The following ZNF773 variants were observed in gnomAD, a reference collection of about 807,000 sequenced individuals.
The protein encoded by ZNF773 is zinc finger protein 419B.
A neutral mutation model predicts 12.8 loss-of-function variants in ZNF773; 11 were observed. The observed-to-expected ratio is 0.86, with a 90% CI of 0.54 to 1.42. The LOEUF (loss-of-function observed/expected upper bound fraction) is 1.42, where lower values mean the gene tolerates loss of function less well. ZNF773 is among the 40% of genes most tolerant of loss of function. ZNF773 has a pLI of 0.00. For missense variants in ZNF773, 518 were observed against 527.2 expected, an observed-to-expected ratio of 0.98 and a Z score of 0.17; for synonymous variants, 175 against 178.4, an observed-to-expected ratio of 0.98 and a Z score of 0.15.
downstream of ZNF773, among the ~76,000 whole-genome samples, chr19:57,512,606 C>T (rs373294682): frequency 1.2e-3 from 179 of 152,046 alleles, 1 homozygote; most frequent in African/African-American, 4.2e-3. Flanking sequence ...GGTTTCACCA[C>T]GTTGGTCTGT....
downstream of ZNF773, chr19:57,508,445 T>A: frequency 1.5e-6 from 1 of 662,994 alleles, no homozygotes; most frequent in South Asian, 1.6e-5. Flanking sequence ...AGATCTTCTT[T>A]AATAAATATT....
At chr19:57,501,281 CT>C (rs11456589) in intron 1 of ZNF773, among the ~76,000 whole-genome samples, 118 of 137,444 alleles carry the variant, frequency 8.6e-4, no homozygotes, top group African/African-American at 1.0e-3. Context: ...CTTTTTCTTT[CT>C]TTTTTTTTTT....
downstream of ZNF773, chr19:57,513,241 T>A (rs180725102): frequency 4.0e-5 from 23 of 572,746 alleles, no homozygotes; most frequent in Non-Finnish European, 5.8e-5. Context: ...CAACATTATA[T>A]GCAGTCACTT....
rs1177347395 is a variant in ZNF773 at position 57,503,632 on chromosome 19, C to T, written c.34-1025C>T. 2.7e-5 allele frequency among the ~76,000 whole-genome samples: 4 copies of T among 149,628 alleles called. 1 individual carries two copies. The Middle Eastern group carries it at 0.011, about 398-fold the overall frequency. ...CAAATGAGGTCATCTGAGAGAATTG[C>T]TGGGCCTGGTTTGGGAGACGTGGGC... On this transcript the variant is annotated intron_variant, in intron 1 of 3. Transcript: ENST00000282292.
At chr19:57,511,728 C>G (rs940229174), downstream of ZNF773, among the ~76,000 whole-genome samples, 3 of 144,412 alleles carry the variant, frequency 2.1e-5, no homozygotes, top group African/African-American at 7.9e-5. Context: ...TTCACACACA[C>G]ACACACACAT....
intron 3 of ZNF773, among the ~76,000 whole-genome samples, chr19:57,505,916 A>G (rs940980764): frequency 3.9e-5 from 6 of 152,100 alleles, no homozygotes; most frequent in African/African-American, 9.6e-5. Context: ...TCACCATGTT[A>G]GCCTGAATGG....
chr19:57,504,297 T>C (rs1296742351), intron 1 of ZNF773, among the ~76,000 whole-genome samples: 2 of 152,170 alleles, frequency 1.3e-5, no homozygotes, highest in Admixed American at 1.3e-4. Flanking sequence ...TATGTGCACA[T>C]TCTAATGAGT....
intron 1 of ZNF773, among the ~76,000 whole-genome samples, chr19:57,503,139 G>A (rs1477951736): frequency 6.6e-6 from 1 of 152,172 alleles, no homozygotes; most frequent in Non-Finnish European, 1.5e-5. Flanking sequence ...CCCTTGAGTG[G>A]ATTCATTGAG....
chr19:57,513,592 C>T (rs1191619694), downstream of ZNF773: 3 of 152,256 alleles, frequency 2.0e-5, no homozygotes. Flanking sequence ...TTCTCCTCCA[C>T]CCACTGCTTT....
intron 1 of ZNF773, among the ~76,000 whole-genome samples, chr19:57,503,743 C>A (rs111880902): frequency 0.2 from 29,737 of 151,360 alleles, 3,016 homozygotes; most frequent in African/African-American, 0.22. Context: ...CGGCAACCTC[C>A]ACCTCCCGGG....
chr19:57,501,303 A>T (rs2089668013), intron 1 of ZNF773, among the ~76,000 whole-genome samples: 1 of 145,742 alleles, frequency 6.9e-6, no homozygotes, highest in Non-Finnish European at 1.5e-5. Context: ...TTTTTGAGAC[A>T]GAATTCTGCT....
intron 3 of ZNF773, among the ~76,000 whole-genome samples, chr19:57,505,967 C>T (rs554766894): frequency 1.6e-4 from 24 of 152,220 alleles, no homozygotes; most frequent in African/African-American, 5.8e-4. Flanking sequence ...CCTTGGCCTC[C>T]GAAAGTGCTG....
chr19:57,515,578 G>A (rs68049563), downstream of ZNF773: 31,594 of 152,148 alleles, frequency 0.21, 3,407 homozygotes, highest in African/African-American at 0.26. Flanking sequence ...TACATGTCAC[G>A]TGCCAAACTG....
chr19:57,508,471 CT>C, downstream of ZNF773: 1 of 693,108 alleles, frequency 1.4e-6, no homozygotes, highest in Non-Finnish European at 2.6e-6. Context: ...GCCATAAACC[CT>C]TATGTCCGCT....
At position 57,508,069 on chromosome 19, in the gene ZNF773, A is replaced by T; in HGVS notation, c.*645A>T. On this transcript the variant is annotated 3_prime_UTR_variant, in exon 4 of 4. Transcript: ENST00000282292. ...GGCAGGAGATTTGCTTGAACCCGGG[A>T]GGCGGAGGTTGCATTGAGCCGAGAT... The T allele has an allele frequency of 1.8e-6, 1 of 553,196 alleles. No individual in the cohort carries two copies. The highest frequency in any genetic ancestry group is 2.3e-6 in the Non-Finnish European group (1 of 442,976). The allele number at this position is 553,196 out of a possible 1,614,324, so 34.3% of individuals were successfully genotyped here.
In ZNF773 at chr19:57,507,151, T is replaced by C. The variant is rs1235360238; in HGVS notation, c.1056T>C (p.Val352=). The change falls in exon 4 of 4, where the codon GTT becomes GTC. Residue 352 remains valine (V), a synonymous_variant. Coordinates refer to ENST00000282292, the MANE Select transcript of ZNF773 (RefSeq NM_198542.3). ...HKSSLINHWR[V]HTGERPYECS... Reference sequence around the variant, plus strand: ...CCAGCCTTATCAATCATTGGCGTGTTCACACTGGAGAAAGGCCTTATGAGT... The same window carrying C: ...CCAGCCTTATCAATCATTGGCGTGTCCACACTGGAGAAAGGCCTTATGAGT... 2 of 1,613,884 alleles carry C rather than the reference T, an allele frequency of 1.2e-6. No homozygotes were observed. Among genetic ancestry groups the C allele is most frequent in the South Asian group, 1.1e-5 (1 of 91,066 alleles).
chr19:57,510,385 T>TA (rs2089785336), downstream of ZNF773, among the ~76,000 whole-genome samples: 2 of 147,920 alleles, frequency 1.4e-5, no homozygotes, highest in Non-Finnish European at 3.0e-5. Context: ...TTCTTCCACC[T>TA]GATACAGCAC....
rs932249681 is a variant in ZNF773, at chr19:57,507,448, G to C, written c.*24G>C. On this transcript the variant is annotated 3_prime_UTR_variant, in exon 4 of 4. Coordinates refer to ENST00000282292, the MANE Select transcript of ZNF773 (RefSeq NM_198542.3). The stretch of plus-strand genomic sequence containing the variant: ...GATTGTGAGAAATCCTTTAGCTGGT[G>C]TTTCAACCTCATTCAACACCAGAAA... 31 of 1,555,974 alleles carry C rather than the reference G, an allele frequency of 2.0e-5. No homozygotes were observed. The highest frequency in any genetic ancestry group is 2.7e-5 in the Non-Finnish European group (31 of 1,155,754).
chr19:57,507,351 A>C lies in ZNF773; in HGVS notation c.1256A>C (p.Glu419Ala). 6.2e-7 allele frequency: 1 copy of C among 1,613,374 alleles called. No individual in the cohort carries two copies. Among genetic ancestry groups the C allele is most frequent in the Non-Finnish European group, 8.5e-7 (1 of 1,179,810 alleles). The change falls in exon 4 of 4, where the codon GAA becomes GCA. Residue 419 changes from glutamate to alanine, a missense_variant. Glu to Ala is a moderately radical substitution (Grantham distance 107, BLOSUM62 -1). Transcript: ENST00000282292. ...GGAGCAAAGCCTTATGAGTGCAGGG[A>C]ATGTGGGAAATTTTTTCGCCACAGC... ...HTGAKPYECR[E>A]CGKFFRHSSS...
Sources: allele counts gnomAD v4.1 joint callset (sites outside exome capture counted in the v4.1 genomes callset), GRCh38; gene constraint gnomAD v4.1.1; transcripts MANE v1.5; gene names NCBI Gene and HGNC (gene_info 2026-07-23, HGNC 2026-07-21).